The following NAV2 variants were observed in gnomAD, a reference collection of about 807,000 sequenced individuals.
NAV2 encodes helicase, APC down-regulated 1.
NAV2 carries 54 observed loss-of-function variants against 223.2 expected under a neutral mutation model. The ratio of observed to expected loss-of-function variants is 0.24; its 90% CI spans 0.19 to 0.30. The LOEUF is 0.30. Ranked by LOEUF, NAV2 falls within the 10% of genes least tolerant of loss-of-function variation. The probability of loss-of-function intolerance (pLI) is 1.00; values close to 1 mark genes in which losing one functional copy is unlikely to be tolerated. For missense variants in NAV2, 2,806 were observed against 3,147.5 expected, an observed-to-expected ratio of 0.89 and a Z score of 2.60; for synonymous variants, 1,279 against 1,239.3, an observed-to-expected ratio of 1.03 and a Z score of -0.67.
At chr11:19,360,749 G>C (rs1853888172) in intron 1 of NAV2, among the ~76,000 whole-genome samples, 1 of 152,182 alleles carries the variant, frequency 6.6e-6, no homozygotes, top group Non-Finnish European at 1.5e-5. Context: ...AAGAAGGCTG[G>C]AGAGCAGGAG....
chr11:20,077,927 T>C, intron 23 of NAV2, 66 bp from the exon 24 acceptor site: 7 of 1,304,566 alleles, frequency 5.4e-6, no homozygotes, highest in Middle Eastern at 1.8e-4. Flanking sequence ...TGAAGCCAAG[T>C]TGTACTTCAG....
intron 4 of NAV2, among the ~76,000 whole-genome samples, chr11:19,875,639 T>C (rs547815562): frequency 2.6e-5 from 4 of 152,306 alleles, no homozygotes; most frequent in East Asian, 3.9e-4. Flanking sequence ...GGTTTGGGGA[T>C]TGATTGTAAA....
chr11:19,861,990 A>G (rs2061821666), intron 3 of NAV2, among the ~76,000 whole-genome samples: 2 of 152,202 alleles, frequency 1.3e-5, no homozygotes, highest in Non-Finnish European at 2.9e-5. Context: ...CTTTAGCTAC[A>G]ACTCCCCTCC....
At chr11:19,456,034 T>C (rs1409920169) in intron 1 of NAV2, among the ~76,000 whole-genome samples, 1 of 152,202 alleles carries the variant, frequency 6.6e-6, no homozygotes, top group African/African-American at 2.4e-5. Flanking sequence ...CAGGCAGCAC[T>C]AGCTTCTTCT....
chr11:20,106,230 T>TGC (rs2062089946), intron 35 of NAV2, among the ~76,000 whole-genome samples: 1 of 104,220 alleles, frequency 9.6e-6, no homozygotes, highest in Admixed American at 1.1e-4. Flanking sequence ...TATATATATA[T>TGC]GCTTTATGAA....
Position 19,933,511 on chromosome 11 carries a change from C to G in NAV2, c.1267C>G (p.Arg423Gly). The G allele has an allele frequency of 2.5e-6, 4 of 1,610,444 alleles. No individual in the cohort carries two copies. Among genetic ancestry groups the G allele is most frequent in the Non-Finnish European group, 3.4e-6 (4 of 1,178,480 alleles). ...AAAGGCAGGTGAGGGGCCGGGGTCC[C>G]GGGACACAAGCTGTGAGCGGCTGGA... ...GSKAGEGPGS[R>G]DTSCERLETL... Residue 423 changes from arginine to glycine, a missense_variant, in exon 7 of 38, where the codon CGG becomes GGG. Physicochemically the swap from Arg to Gly is moderately radical, Grantham distance 125. Transcript: ENST00000349880. The surrounding 1 kb of genome is among the most constrained non-coding windows in gnomAD (Gnocchi z 4.3).
intron 1 of NAV2, among the ~76,000 whole-genome samples, chr11:19,634,063 G>A (rs545370854): frequency 1.3e-5 from 2 of 152,122 alleles, no homozygotes; most frequent in Admixed American, 6.5e-5. Context: ...ACTTTTTCTT[G>A]CCCCTCTCAC....
chr11:19,802,409 C>T lies in NAV2; in HGVS notation c.268-30075C>T, dbSNP rs190117528. On this transcript the variant is annotated intron_variant, in intron 1 of 37. Transcript: ENST00000349880. ...TAAAGAAAGACTACCTAGAGGAATA[C>T]GCCACACTGTATAGCAACTTTATGT... Among the ~76,000 whole-genome samples, 429 of 152,176 alleles carry T rather than the reference C, an allele frequency of 2.8e-3. 1 individual carries two copies. The highest frequency in any genetic ancestry group is 3.5e-3 in the Non-Finnish European group (239 of 68,008).
intron 11 of NAV2, among the ~76,000 whole-genome samples, chr11:20,010,415 G>A (rs2053469150): frequency 2.6e-5 from 4 of 152,124 alleles, no homozygotes; most frequent in Admixed American, 1.3e-4. Context: ...TGCAAATAGG[G>A]GCTTAATAAT....
Position 19,493,743 on chromosome 11 carries a change from T to C in NAV2, c.75+142716T>C, listed in dbSNP as rs546364035. ...TGCCTGGGACAGTTGCTGCATTCTCTGCCATCCCTCCTGACCATTCCCTTC... is the reference window on the plus strand; with the variant it reads ...TGCCTGGGACAGTTGCTGCATTCTCCGCCATCCCTCCTGACCATTCCCTTC... On this transcript the variant is annotated intron_variant, in intron 1 of 37. Transcript: ENST00000360655. Among the ~76,000 whole-genome samples, 3 of 152,336 alleles carry C rather than the reference T, an allele frequency of 2.0e-5. No individual in the cohort carries two copies. The South Asian group carries it at 6.2e-4, about 32-fold the overall frequency.
chr11:19,958,570 C>T (rs987800978), intron 10 of NAV2, among the ~76,000 whole-genome samples: 1 of 152,192 alleles, frequency 6.6e-6, no homozygotes, highest in Non-Finnish European at 1.5e-5. Context: ...CCTTTAGTAA[C>T]CTATTTAATT....
At chr11:19,661,353 T>C (rs974527432) in intron 1 of NAV2, among the ~76,000 whole-genome samples, 1 of 152,226 alleles carries the variant, frequency 6.6e-6, no homozygotes, top group African/African-American at 2.4e-5. Flanking sequence ...CATTCTTCCA[T>C]GGATACTTGG....
chr11:19,980,099 T>A (rs2050162647), intron 10 of NAV2, among the ~76,000 whole-genome samples: 1 of 152,184 alleles, frequency 6.6e-6, no homozygotes, highest in African/African-American at 2.4e-5. Context: ...AACTTGGGTC[T>A]AACAACAGTC....
intron 19 of NAV2, among the ~76,000 whole-genome samples, chr11:20,056,783 T>C (rs2058389285): frequency 6.6e-6 from 1 of 152,238 alleles, no homozygotes; most frequent in Admixed American, 6.5e-5. Context: ...TTTAGGTATA[T>C]GATTTTGATC....
chr11:19,664,474 A>G (rs553325281), intron 1 of NAV2, among the ~76,000 whole-genome samples: 4 of 152,172 alleles, frequency 2.6e-5, no homozygotes, highest in Non-Finnish European at 5.9e-5. Flanking sequence ...CAGAATATTA[A>G]TGGAGAGGTC....
At chr11:19,432,817 A>T (rs1446986230) in intron 1 of NAV2, among the ~76,000 whole-genome samples, 2 of 152,154 alleles carry the variant, frequency 1.3e-5, no homozygotes, top group Non-Finnish European at 2.9e-5. Context: ...CTTTACCCTC[A>T]TTTGAATCTC....
At chr11:19,875,219 A>C (rs1322364107) in intron 4 of NAV2, among the ~76,000 whole-genome samples, 1 of 152,210 alleles carries the variant, frequency 6.6e-6, no homozygotes, top group African/African-American at 2.4e-5. Context: ...CTGTAGGGTT[A>C]TGTCCTGATA....
At chr11:19,632,634 A>T (rs889962913) in intron 1 of NAV2, among the ~76,000 whole-genome samples, 4 of 152,220 alleles carry the variant, frequency 2.6e-5, no homozygotes, top group Non-Finnish European at 4.4e-5. Context: ...CAGCAGGGAA[A>T]GATGTGTCTC....
chr11:19,748,960 T>G (rs2053589224), intron 1 of NAV2, among the ~76,000 whole-genome samples: 1 of 152,254 alleles, frequency 6.6e-6, no homozygotes, highest in Admixed American at 6.5e-5. Flanking sequence ...AAAGCCAGGG[T>G]TAAAACTTGG....
Sources: gnomAD v4.1 joint callset for allele counts (sites outside exome capture counted in the v4.1 genomes callset) on GRCh38, gnomAD v4.1.1 for gene constraint, Gnocchi (gnomAD v3.1) non-coding constraint, MANE v1.5 for transcripts, NCBI Gene and HGNC (gene_info 2026-07-23, HGNC 2026-07-21) for gene names.